VIPR2: variants seen among roughly 807,000 people sequenced by gnomAD.
VIPR2 encodes vasoactive intestinal peptide receptor 2.
In VIPR2, 48 loss-of-function variants were observed where a neutral mutation model predicts 58.0. The observed-to-expected ratio is 0.83, with a 90% CI of 0.66 to 1.05. The LOEUF (loss-of-function observed/expected upper bound fraction) is 1.05, where lower values mean the gene tolerates loss of function less well. VIPR2 is among the 50% of genes least tolerant of loss of function. The probability of loss-of-function intolerance (pLI) is 0.00; values close to 1 mark genes in which losing one functional copy is unlikely to be tolerated. For missense variants in VIPR2, 534 were observed against 558.0 expected (o/e 0.96, Z 0.43); for synonymous variants, 243 against 235.2 (o/e 1.03, Z -0.30).
intron 5 of VIPR2, among the ~76,000 whole-genome samples, chr7:159,057,363 G>A (rs1855384188): frequency 6.6e-6 from 1 of 152,162 alleles, no homozygotes; most frequent in Non-Finnish European, 1.5e-5. Flanking sequence ...ACTTTTCAAA[G>A]TGCAGCCCTG....
In VIPR2 at chr7:159,054,269, TA is replaced by T. The variant is rs200111616; in HGVS notation, c.455+4211del. Among the ~76,000 whole-genome samples the T allele has an allele frequency of 1.0e-2, 1,513 of 151,950 alleles. 28 individuals carry two copies. The highest frequency in any genetic ancestry group is 0.035 in the African/African-American group (1,440 of 41,444). The stretch of plus-strand genomic sequence containing the variant: ...TTAAAATAATAACATCTCTAGATGA[TA>T]AAAAAAAGAATATGGCAAAGATTTC... On this transcript the variant is annotated intron_variant, in intron 5 of 12. Coordinates refer to ENST00000262178, the MANE Select transcript of VIPR2 (RefSeq NM_003382.5).
At chr7:159,074,936 T>A (rs940873069) in intron 4 of VIPR2, among the ~76,000 whole-genome samples, 3 of 152,216 alleles carry the variant, frequency 2.0e-5, no homozygotes, top group Non-Finnish European at 4.4e-5. Context: ...ATGCTCGAGG[T>A]GCCATGAGAC....
chr7:159,116,009 C>T (rs376113005), intron 2 of VIPR2, among the ~76,000 whole-genome samples: 4 of 152,316 alleles, frequency 2.6e-5, no homozygotes, highest in Non-Finnish European at 4.4e-5. Context: ...GTGAGCTCCA[C>T]CCATTGGACA....
At chr7:159,088,181 T>G (rs1219181206) in intron 4 of VIPR2, among the ~76,000 whole-genome samples, 1 of 152,228 alleles carries the variant, frequency 6.6e-6, no homozygotes, top group African/African-American at 2.4e-5. Context: ...CAGCCTTGAC[T>G]GTTGCCCAAT....
At chr7:159,083,669 G>A (rs1218636845) in intron 4 of VIPR2, among the ~76,000 whole-genome samples, 1 of 152,224 alleles carries the variant, frequency 6.6e-6, no homozygotes, top group Non-Finnish European at 1.5e-5. Context: ...TCTCTCGAGA[G>A]AGGCCAGGTC....
chr7:159,068,965 A>G (rs73730137), intron 4 of VIPR2, among the ~76,000 whole-genome samples: 4,639 of 152,348 alleles, frequency 0.03, 112 homozygotes, highest in African/African-American at 0.059. Flanking sequence ...AGAACTGCAC[A>G]GGAATAAAAT....
intron 3 of VIPR2, among the ~76,000 whole-genome samples, chr7:159,104,882 C>T (rs1858555668): frequency 6.7e-6 from 1 of 149,466 alleles, no homozygotes; most frequent in East Asian, 2.0e-4. Flanking sequence ...TGGTGCCTGG[C>T]CTGCCCCAGT....
chr7:159,050,263 G>T (rs1474396541), intron 5 of VIPR2, among the ~76,000 whole-genome samples: 1 of 151,600 alleles, frequency 6.6e-6, no homozygotes, highest in African/African-American at 2.4e-5. Flanking sequence ...CTTGAACCCG[G>T]GAGGCAGAGG....
At chr7:159,047,055 T>C (rs1372459829) in intron 5 of VIPR2, among the ~76,000 whole-genome samples, 1 of 152,100 alleles carries the variant, frequency 6.6e-6, no homozygotes, top group Non-Finnish European at 1.5e-5. Flanking sequence ...ACTAACAAGG[T>C]GAAACCCTGT....
At chr7:159,092,547 C>T (rs900261802) in intron 4 of VIPR2, among the ~76,000 whole-genome samples, 4 of 152,148 alleles carry the variant, frequency 2.6e-5, no homozygotes, top group African/African-American at 7.2e-5. Flanking sequence ...CCAAATTGTA[C>T]AGCCTCTGGC....
chr7:159,096,702 TG>T lies in VIPR2; in HGVS notation c.357+7054del. ...AGGTTAAAACTAAACAGCAGAAAAG[TG>T]CTCATAATCCTGTCTGGTTGTGCCA... On this transcript the variant is annotated intron_variant, in intron 4 of 12. Transcript: ENST00000262178. This position sits in a 1 kb window ranked among gnomAD's most constrained non-coding sequence, Gnocchi z 5.5. The T allele has an allele frequency of 7.7e-7, 1 of 1,299,160 alleles. No individual in the cohort carries two copies. Among genetic ancestry groups the T allele is most frequent in the South Asian group, 2.0e-5 (1 of 49,300 alleles). The allele number at this position is 1,299,160 out of a possible 1,614,324, so 80.5% of individuals were successfully genotyped here. A position where few individuals can be genotyped will look rare whatever the true frequency, so the allele number is the denominator to read the frequency against.
chr7:159,097,213 TG>T lies in VIPR2; in HGVS notation c.357+6543del. 2 of 1,425,666 alleles carry T rather than the reference TG, an allele frequency of 1.4e-6. No individual in the cohort carries two copies. Among genetic ancestry groups the T allele is most frequent in the Non-Finnish European group, 1.8e-6 (2 of 1,087,490 alleles). The allele number at this position is 1,425,666 out of a possible 1,614,324, so 88.3% of individuals were successfully genotyped here. On this transcript the variant is annotated intron_variant, in intron 4 of 12. Coordinates refer to ENST00000262178, the MANE Select transcript of VIPR2 (RefSeq NM_003382.5). This position sits in a 1 kb window ranked among gnomAD's most constrained non-coding sequence, Gnocchi z 5.3. ...CCTGGGGAGTGAAGTTTGCCATCAG[TG>T]GGAACGAGTCACTGCGGTGGCCTGA...
intron 2 of VIPR2, among the ~76,000 whole-genome samples, chr7:159,123,263 A>G (rs1796525095): frequency 7.9e-6 from 1 of 126,262 alleles, no homozygotes; most frequent in Non-Finnish European, 1.6e-5. Flanking sequence ...ACTGCACTCC[A>G]GCCTGGTGAC....
chr7:159,058,433 T>C, intron 5 of VIPR2, 48 bp downstream of exon 5: 1 of 1,566,944 alleles, frequency 6.4e-7, no homozygotes, highest in Non-Finnish European at 8.8e-7. Flanking sequence ...AAATGGAAAC[T>C]TTGCTTGTCT....
intron 8 of VIPR2, 72 bp from the exon 9 acceptor site, chr7:159,034,722 C>T (rs959326419): frequency 7.6e-7 from 1 of 1,316,288 alleles, no homozygotes; most frequent in South Asian, 1.2e-5. Context: ...GAATGAGCGC[C>T]TGCCCCTCCC....
At chr7:159,063,912 GA>G (rs1855916332) in intron 4 of VIPR2, among the ~76,000 whole-genome samples, 7 of 137,732 alleles carry the variant, frequency 5.1e-5, no homozygotes, top group Admixed American at 1.4e-4. Flanking sequence ...GGGGTTCCTG[GA>G]GGGATGTGGG....
At chr7:159,143,364 C>A (rs571946580) in intron 1 of VIPR2, among the ~76,000 whole-genome samples, 109 of 151,574 alleles carry the variant, frequency 7.2e-4, no homozygotes, top group Non-Finnish European at 1.3e-3. Flanking sequence ...TGGTCTTGAT[C>A]TTCCCCCTCC....
At chr7:159,081,200 C>G (rs2129494897) in intron 4 of VIPR2, among the ~76,000 whole-genome samples, 1 of 152,322 alleles carries the variant, frequency 6.6e-6, no homozygotes. Flanking sequence ...AGGCATCACA[C>G]TACCTGACTT....
At chr7:159,041,732 G>A (rs1854354845) in intron 6 of VIPR2, among the ~76,000 whole-genome samples, 1 of 151,588 alleles carries the variant, frequency 6.6e-6, no homozygotes, top group African/African-American at 2.4e-5. Context: ...GGTCCGTTGA[G>A]GGTCTGCCAT....
Sources: gnomAD v4.1 joint callset for allele counts (sites outside exome capture counted in the v4.1 genomes callset) on GRCh38, gnomAD v4.1.1 for gene constraint, Gnocchi (gnomAD v3.1) non-coding constraint, MANE v1.5 for transcripts, NCBI Gene and HGNC (gene_info 2026-07-23, HGNC 2026-07-21) for gene names.